The following GDA variants were observed in gnomAD, a reference collection of about 807,000 sequenced individuals.
GDA encodes the protein cytoplasmic PSD-95 interactor.
Under a neutral mutation model 59.6 loss-of-function variants are expected in GDA, and 18 were observed. The observed-to-expected ratio is 0.30, with a 90% confidence interval of 0.21 to 0.45. The LOEUF (loss-of-function observed/expected upper bound fraction) is 0.45, where lower values mean the gene tolerates loss of function less well. GDA is among the 20% of genes least tolerant of loss of function. The probability of loss-of-function intolerance (pLI) is 1.00; values close to 1 mark genes in which losing one functional copy is unlikely to be tolerated. For synonymous variants in GDA, 201 were observed against 201.1 expected (o/e 1.00, Z 0.00); for missense variants, 427 against 552.3 (o/e 0.77, Z 2.27).
At chr9:72,134,910 T>C (rs79232632) in intron 1 of GDA, among the ~76,000 whole-genome samples, 17,788 of 152,226 alleles carry the variant, frequency 0.12, 2,134 homozygotes, top group African/African-American at 0.3. Context: ...CCAAGCTCCT[T>C]TGGGCAAATC....
intron 8 of GDA, among the ~76,000 whole-genome samples, chr9:72,226,889 A>C (rs1345635011): frequency 6.6e-6 from 1 of 152,120 alleles, no homozygotes; most frequent in African/African-American, 2.4e-5. Flanking sequence ...AGGCAGAGGC[A>C]GGCAGATCAC....
chr9:72,196,098 T>C (rs774620073), intron 2 of GDA, among the ~76,000 whole-genome samples: 3 of 152,114 alleles, frequency 2.0e-5, no homozygotes, highest in Non-Finnish European at 2.9e-5. Flanking sequence ...AGCTGTGATA[T>C]TATATTTCAT....
chr9:72,256,944 A>G (rs530061996), downstream of GDA: 6 of 152,468 alleles, frequency 3.9e-5, no homozygotes, highest in Admixed American at 2.0e-4. Flanking sequence ...TCTCACGTAC[A>G]TTGGTGGTTT....
intron 1 of GDA, among the ~76,000 whole-genome samples, chr9:72,154,519 G>A (rs372069109): frequency 3.9e-5 from 6 of 152,256 alleles, no homozygotes; most frequent in African/African-American, 1.4e-4. Context: ...GTATGGGGTG[G>A]TCACAGAACC....
intron 3 of GDA, 65 bp from the exon 4 acceptor site, chr9:72,210,622 C>T (rs1835234410): frequency 2.3e-6 from 2 of 864,626 alleles, no homozygotes; most frequent in Admixed American, 1.9e-5. Context: ...TTCTGTTTTC[C>T]TCTGGATGTA....
At chr9:72,259,305 G>A (rs1302958418), downstream of GDA, among the ~76,000 whole-genome samples, 1 of 152,208 alleles carries the variant, frequency 6.6e-6, no homozygotes, top group Non-Finnish European at 1.5e-5. Context: ...TTACAGGCGT[G>A]AGCCACCGTG....
chr9:72,199,761 G>A (rs1157805052), intron 2 of GDA, among the ~76,000 whole-genome samples: 1 of 152,076 alleles, frequency 6.6e-6, no homozygotes, highest in Non-Finnish European at 1.5e-5. Context: ...TCACTGCCCT[G>A]CTCCTTCTTG....
intron 1 of GDA, among the ~76,000 whole-genome samples, chr9:72,136,434 A>T (rs1826227083): frequency 6.6e-6 from 1 of 152,224 alleles, no homozygotes; most frequent in South Asian, 2.1e-4. Context: ...AGTACCTGTC[A>T]TCTCACACTT....
chr9:72,215,449 A>G (rs1835983691), intron 5 of GDA, among the ~76,000 whole-genome samples: 1 of 152,180 alleles, frequency 6.6e-6, no homozygotes, highest in Admixed American at 6.5e-5. Flanking sequence ...TGGGAACAGG[A>G]AAGTTGTTCT....
downstream of GDA, among the ~76,000 whole-genome samples, chr9:72,256,392 G>C (rs1217147883): frequency 6.6e-6 from 1 of 152,160 alleles, no homozygotes; most frequent in African/African-American, 2.4e-5. Context: ...TGGGAGGTGA[G>C]AGGAAACACA....
At position 72,225,494 on chromosome 9, in the gene GDA, C is replaced by G. The variant is rs67449523; in HGVS notation, c.715-183C>G. On this transcript the variant is annotated intron_variant, in intron 7 of 13. Coordinates refer to ENST00000358399, the MANE Select transcript of GDA (RefSeq NM_004293.5). ...TAATATTCAGTTTCTTTGTCATATA[C>G]ATTATATTATCTATGATGAATATAA... is the stretch of plus-strand genomic sequence containing the variant. Among the ~76,000 whole-genome samples, 24,451 of 152,136 alleles carry G rather than the reference C, an allele frequency of 0.16. 2,176 individuals carry two copies. Among genetic ancestry groups the G allele is most frequent in the Middle Eastern group, 0.29 (85 of 294 alleles).
At chr9:72,193,377 G>C (rs751756797) in intron 1 of GDA, among the ~76,000 whole-genome samples, 1 of 152,228 alleles carries the variant, frequency 6.6e-6, no homozygotes, top group Non-Finnish European at 1.5e-5. Flanking sequence ...TTGCAGACTC[G>C]TAAAGGTAGT....
At chr9:72,164,070 A>G (rs1828989225) in intron 1 of GDA, among the ~76,000 whole-genome samples, 1 of 152,210 alleles carries the variant, frequency 6.6e-6, no homozygotes, top group Non-Finnish European at 1.5e-5. Context: ...TGCTTTGGTC[A>G]TGCTGAGTTG....
intron 1 of GDA, 151 bp downstream of exon 1, chr9:72,149,833 C>A: frequency 2.5e-6 from 2 of 797,580 alleles, no homozygotes; most frequent in Non-Finnish European, 3.7e-6. Context: ...TCTTGGGCAA[C>A]GCAGAGAGAA....
intron 3 of GDA, among the ~76,000 whole-genome samples, chr9:72,210,310 G>A (rs1391760602): frequency 6.6e-6 from 1 of 152,158 alleles, no homozygotes; most frequent in Admixed American, 6.5e-5. Flanking sequence ...AACCTTCCAG[G>A]TTGAGCTAAA....
chr9:72,142,414 G>A (rs919189903), intron 1 of GDA, among the ~76,000 whole-genome samples: 41 of 152,010 alleles, frequency 2.7e-4, no homozygotes, highest in African/African-American at 9.6e-4. Flanking sequence ...AGGAGATCGA[G>A]ACCATCCTGT....
At position 72,250,958 on chromosome 9, in the gene GDA, T is replaced by C. The variant is rs1252816470; in HGVS notation, c.*2616T>C. ...TTCATTTTCAAACGAGAGGGAAACA[T>C]GGGAAGTAAAAGATTAGGATGTGAA... On this transcript the variant is annotated 3_prime_UTR_variant, in exon 14 of 14. Transcript: ENST00000358399. The C allele has an allele frequency of 3.9e-6, 3 of 779,026 alleles. No homozygotes were observed. Among genetic ancestry groups the C allele is most frequent in the Non-Finnish European group, 4.2e-6 (2 of 479,078 alleles). The allele number at this position is 779,026 out of a possible 1,614,324, so 48.3% of individuals were successfully genotyped here. A position where few individuals can be genotyped will look rare whatever the true frequency, so the allele number is the denominator to read the frequency against.
chr9:72,200,654 C>T (rs1361262837), intron 2 of GDA, among the ~76,000 whole-genome samples: 7 of 152,138 alleles, frequency 4.6e-5, no homozygotes, highest in Admixed American at 3.9e-4. Context: ...ACTGCTATTC[C>T]GTTTTATGAC....
chr9:72,134,215 C>T (rs1826139419), intron 1 of GDA, among the ~76,000 whole-genome samples: 2 of 152,076 alleles, frequency 1.3e-5, no homozygotes, highest in Admixed American at 6.6e-5. Context: ...GTCAAAGGCC[C>T]AAGAACCTTA....
Sources: allele counts gnomAD v4.1 joint callset (sites outside exome capture counted in the v4.1 genomes callset), GRCh38; gene constraint gnomAD v4.1.1; transcripts MANE v1.5; gene names NCBI Gene and HGNC (gene_info 2026-07-23, HGNC 2026-07-21).